Variants in TMEM132D observed in about 807,000 individuals in gnomAD.
The protein encoded by TMEM132D is mature OL transmembrane protein.
A neutral mutation model predicts 62.3 loss-of-function variants in TMEM132D; 21 were observed. That is an observed-to-expected ratio of 0.34 (90% CI 0.24 to 0.49). TMEM132D has a LOEUF of 0.49. Ranked by LOEUF, TMEM132D falls within the 20% of genes least tolerant of loss-of-function variation. TMEM132D has a pLI of 0.99. For missense variants in TMEM132D, 1,346 were observed against 1,402.8 expected (o/e 0.96, Z 0.65); for synonymous variants, 621 against 575.6 (o/e 1.08, Z -1.13).
chr12:129,151,673 T>C (rs1877075900), intron 5 of TMEM132D, among the ~76,000 whole-genome samples: 1 of 152,186 alleles, frequency 6.6e-6, no homozygotes, highest in Non-Finnish European at 1.5e-5. Flanking sequence ...TTCTTCAGAC[T>C]CTTTCTTGGG....
At chr12:129,871,153 C>A (rs979214165) in intron 1 of TMEM132D, among the ~76,000 whole-genome samples, 1 of 152,060 alleles carries the variant, frequency 6.6e-6, no homozygotes, top group Non-Finnish European at 1.5e-5. Context: ...GGGCCTTAAG[C>A]CAGAGAAAAT....
Position 129,531,111 on chromosome 12 carries a change from A to T in TMEM132D, c.1063T>A (p.Tyr355Asn), listed in dbSNP as rs751930095. Residue 355 changes from tyrosine (Y) to asparagine (N), a missense_variant, in exon 3 of 9, where the codon TAT becomes AAT. By Grantham distance (143) the Tyr-to-Asn change is moderately radical. Coordinates refer to ENST00000422113, the MANE Select transcript of TMEM132D (RefSeq NM_133448.3). ...TGACAAACGATGACAGCTGGTGCAT[A>T]CTTTCCAGTATAATCCGTGCGCTCC... ...VKERTDYTGK[Y>N]APAVIVCQKK... 6.2e-7 allele frequency: 1 copy of T among 1,613,922 alleles called. No individual in the cohort carries two copies. Among genetic ancestry groups the T allele is most frequent in the Non-Finnish European group, 8.5e-7 (1 of 1,179,942 alleles).
intron 3 of TMEM132D, among the ~76,000 whole-genome samples, chr12:129,519,694 C>T (rs560258234): frequency 7.9e-5 from 12 of 151,930 alleles, no homozygotes; most frequent in African/African-American, 2.2e-4. Flanking sequence ...CTGCAACCTC[C>T]GCCTCCTGGG....
chr12:129,725,337 C>A (rs939462560), intron 1 of TMEM132D, among the ~76,000 whole-genome samples: 2 of 152,180 alleles, frequency 1.3e-5, no homozygotes, highest in East Asian at 3.8e-4. Context: ...AGCCTGCTAT[C>A]TGGAAACAAA....
intron 1 of TMEM132D, among the ~76,000 whole-genome samples, chr12:129,889,146 G>T (rs76141763): frequency 1.3e-5 from 2 of 152,190 alleles, no homozygotes; most frequent in East Asian, 3.9e-4. Flanking sequence ...TTCTAGGTCC[G>T]TAGAGCCTCA....
chr12:129,620,995 A>T (rs1453672124), intron 2 of TMEM132D, among the ~76,000 whole-genome samples: 2 of 152,162 alleles, frequency 1.3e-5, no homozygotes, highest in Non-Finnish European at 1.5e-5. Flanking sequence ...AAATAAAAAT[A>T]AAAAATAAAG....
At chr12:129,600,342 T>A (rs544540446) in intron 2 of TMEM132D, among the ~76,000 whole-genome samples, 1 of 152,358 alleles carries the variant, frequency 6.6e-6, no homozygotes, top group East Asian at 1.9e-4. Context: ...TCTTGCTGTT[T>A]CCACACCTGC....
chr12:129,156,512 C>T (rs1173777196), intron 5 of TMEM132D, among the ~76,000 whole-genome samples: 2 of 152,000 alleles, frequency 1.3e-5, no homozygotes, highest in Non-Finnish European at 2.9e-5. Context: ...CCAATCCACT[C>T]CCAAGATAGC....
intron 3 of TMEM132D, among the ~76,000 whole-genome samples, chr12:129,375,711 A>G (rs912154218): frequency 9.2e-5 from 14 of 152,132 alleles, no homozygotes; most frequent in Non-Finnish European, 2.1e-4. Context: ...AATATATACC[A>G]TGACTCAGCC....
intron 2 of TMEM132D, among the ~76,000 whole-genome samples, chr12:129,659,456 G>A (rs1472063354): frequency 5.3e-5 from 8 of 152,052 alleles, no homozygotes; most frequent in Admixed American, 2.6e-4. Flanking sequence ...CAAACTTTTT[G>A]GAAATTCTCA....
At chr12:129,413,656 A>G (rs1397319163) in intron 3 of TMEM132D, among the ~76,000 whole-genome samples, 1 of 152,170 alleles carries the variant, frequency 6.6e-6, no homozygotes, top group East Asian at 1.9e-4. Flanking sequence ...GAAAATGATA[A>G]CACATTTCCT....
chr12:129,795,289 C>A (rs1307375274), intron 1 of TMEM132D, among the ~76,000 whole-genome samples: 1 of 152,208 alleles, frequency 6.6e-6, no homozygotes, highest in African/African-American at 2.4e-5. Flanking sequence ...CTCACGGAAG[C>A]CCTCCCAGCG....
At chr12:129,732,080 T>C (rs1182199514) in intron 1 of TMEM132D, among the ~76,000 whole-genome samples, 1 of 152,076 alleles carries the variant, frequency 6.6e-6, no homozygotes, top group Admixed American at 6.6e-5. Context: ...TAGACTCCTG[T>C]AGAAATGATG....
chr12:129,695,554 A>G (rs1049131705), intron 2 of TMEM132D, among the ~76,000 whole-genome samples: 1 of 152,238 alleles, frequency 6.6e-6, no homozygotes, highest in East Asian at 1.9e-4. Context: ...TATAATTTGA[A>G]TACACCAACA....
chr12:129,288,600 C>T (rs961822840), intron 4 of TMEM132D, among the ~76,000 whole-genome samples: 3 of 152,136 alleles, frequency 2.0e-5, no homozygotes, highest in African/African-American at 7.2e-5. Context: ...AAGACAAAGA[C>T]AGCAAGCGTT....
At chr12:129,669,416 G>C (rs922077297) in intron 2 of TMEM132D, among the ~76,000 whole-genome samples, 20 of 152,174 alleles carry the variant, frequency 1.3e-4, no homozygotes, top group African/African-American at 4.6e-4. Context: ...TTAAAATTGG[G>C]AGTTGTGGCC....
intron 2 of TMEM132D, among the ~76,000 whole-genome samples, chr12:129,567,956 G>A (rs1877413771): frequency 6.6e-6 from 1 of 152,194 alleles, no homozygotes; most frequent in Admixed American, 6.5e-5. Flanking sequence ...ACCACCATAG[G>A]TGGTTTAGGG....
rs190029287 is a variant in TMEM132D, at chr12:129,321,264, A to G, written c.1299+16370T>C. ...GCTGTTTTAAAACATATTATCACTG[A>G]TCTTCCTAACAAAAAGTCAAGAATT... On this transcript the variant is annotated intron_variant, in intron 4 of 8. Transcript: ENST00000422113. 4.9e-4 allele frequency among the ~76,000 whole-genome samples: 74 copies of G among 152,312 alleles called. 2 individuals carry two copies. The highest frequency in any genetic ancestry group is 1.5e-3 in the South Asian group (7 of 4,822).
chr12:129,146,317 C>A (rs1032829085), intron 5 of TMEM132D, among the ~76,000 whole-genome samples: 1 of 152,138 alleles, frequency 6.6e-6, no homozygotes, highest in East Asian at 1.9e-4. Context: ...CTTTCACATC[C>A]TTTTTTCTGA....
Sources: allele counts gnomAD v4.1 joint callset (sites outside exome capture counted in the v4.1 genomes callset), GRCh38; gene constraint gnomAD v4.1.1; transcripts MANE v1.5; gene names NCBI Gene and HGNC (gene_info 2026-07-23, HGNC 2026-07-21).